Variants in CEP72 observed in about 807,000 individuals in gnomAD.
CEP72 encodes centrosomal protein 72.
Under a neutral mutation model 65.7 loss-of-function variants are expected in CEP72, and 78 were observed. The ratio of observed to expected loss-of-function variants is 1.19; its 90% CI spans 0.99 to 1.43. CEP72 has a LOEUF of 1.43. CEP72 is among the 40% of genes most tolerant of loss of function. CEP72 has a pLI of 0.00. For missense variants in CEP72, 914 were observed against 832.9 expected (o/e 1.10, Z -1.20); for synonymous variants, 358 against 351.7 (o/e 1.02, Z -0.20).
intron 10 of CEP72, 80 bp downstream of exon 10, chr5:644,505 C>A: frequency 6.7e-7 from 1 of 1,494,580 alleles, no homozygotes; most frequent in Non-Finnish European, 9.3e-7. Flanking sequence ...TTAAATTCTT[C>A]ACTGAGGGAA....
rs138660657 is a variant in CEP72, at chr5:639,527, C to T, written c.1342+303C>T. 1.4e-3 allele frequency among the ~76,000 whole-genome samples: 215 copies of T among 152,346 alleles called. 2 individuals are homozygous for T. The highest frequency in any genetic ancestry group is 4.9e-3 in the African/African-American group (205 of 41,576). On this transcript the variant is annotated intron_variant, in intron 8 of 11. Coordinates refer to ENST00000264935, the MANE Select transcript of CEP72 (RefSeq NM_018140.4). ...GTCCAAAGGGGCTTGGTTCTGATGG[C>T]TGTGATCACATGGGGATTTGGAGTT...
In CEP72 at chr5:645,829, C is replaced by CTTTG. The variant is rs921137126; in HGVS notation, c.1666+1405_1666+1408dup. ...TGTTTAATGTTAGAGGTGTCTTGGT[C>CTTTG]TTTGGTGGTTTGGTGATGTTCTTGT... On this transcript the variant is annotated intron_variant, in intron 10 of 11. Transcript: ENST00000264935. This position sits in a 1 kb window ranked among gnomAD's most constrained non-coding sequence, Gnocchi z 4.0. Among the ~76,000 whole-genome samples, 6 of 152,236 alleles carry CTTTG rather than the reference C, an allele frequency of 3.9e-5. No homozygotes were observed. The highest frequency in any genetic ancestry group is 1.4e-4 in the African/African-American group (6 of 41,464).
chr5:646,144 C>T (rs757659591), intron 10 of CEP72, among the ~76,000 whole-genome samples: 3 of 152,196 alleles, frequency 2.0e-5, no homozygotes, highest in African/African-American at 4.8e-5. Flanking sequence ...CGCTTTGCTT[C>T]GTGGCTGTTT....
At chr5:637,880 C>G in intron 7 of CEP72, 62 bp downstream of exon 7, 1 of 1,414,890 alleles carries the variant, frequency 7.1e-7, no homozygotes, top group Admixed American at 2.7e-5. Context: ...GGGGCTGTTA[C>G]GGCTTTGGCG....
chr5:660,496 G>A (rs1453823125), downstream of CEP72: 2 of 152,500 alleles, frequency 1.3e-5, no homozygotes, highest in South Asian at 2.1e-4. Flanking sequence ...TTTGAAGGAC[G>A]TTCTAGCCTA....
chr5:664,948 G>T, intron 2 of CEP72: 2 of 810,282 alleles, frequency 2.5e-6, no homozygotes, highest in Non-Finnish European at 3.8e-6. Context: ...TAGGAGGAGG[G>T]GCAGGAGGGA....
intron 3 of CEP72, chr5:665,919 G>GGCCCCCCCCCCCCCC: frequency 2.9e-5 from 10 of 344,042 alleles, no homozygotes; most frequent in Non-Finnish European, 3.6e-5. Context: ...CACCTTCCAG[G>GGCCCCCCCCCCCCCC]CCCCGCCCCC....
At chr5:649,594 G>A (rs1322086699) in intron 11 of CEP72, among the ~76,000 whole-genome samples, 1 of 121,216 alleles carries the variant, frequency 8.2e-6, no homozygotes, top group East Asian at 2.5e-4. Flanking sequence ...TGACTGAGGC[G>A]TGACTGTGAG....
At chr5:649,491 GGACTGTGAGGTGTGACTGTGAGGTGT>G (rs1436874531) in intron 11 of CEP72, among the ~76,000 whole-genome samples, 1 of 39,692 alleles carries the variant, frequency 2.5e-5, no homozygotes, top group Non-Finnish European at 4.8e-5. Context: ...TGTGAGGTGT[GGACTGTGAGGTGTGACTGTGAGGTGT>G]GACTGTGAGG....
chr5:668,540 C>G (rs1341045871), downstream of CEP72, among the ~76,000 whole-genome samples: 3 of 117,556 alleles, frequency 2.6e-5, no homozygotes, highest in African/African-American at 7.7e-5. Flanking sequence ...CCAGGGGGCT[C>G]AGACAATCAA....
chr5:633,465 C>T (rs1225382107), intron 4 of CEP72, among the ~76,000 whole-genome samples: 16 of 150,572 alleles, frequency 1.1e-4, no homozygotes, highest in Admixed American at 3.3e-4. Context: ...TGTTCAGTGC[C>T]GGGGTTTGGC....
chr5:671,689 C>A (rs535905797), downstream of CEP72, among the ~76,000 whole-genome samples: 1 of 152,212 alleles, frequency 6.6e-6, no homozygotes, highest in Non-Finnish European at 1.5e-5. Flanking sequence ...CCACAGACGT[C>A]CATGGCCAAG....
In CEP72 at chr5:623,684, C is replaced by T. The variant is rs1470320545; in HGVS notation, c.404-787C>T. 2.0e-5 allele frequency among the ~76,000 whole-genome samples: 3 copies of T among 152,096 alleles called. No individual in the cohort carries two copies. Among genetic ancestry groups the T allele is most frequent in the South Asian group, 4.2e-4 (2 of 4,794 alleles). ...GGAGGGTGGGATTGGGTGCAGGTCT[C>T]CTGGCGCACGTGTCTCCTGAGGGTG... On this transcript the variant is annotated intron_variant, in intron 3 of 11. Transcript: ENST00000264935. The surrounding 1 kb of genome is among the most constrained non-coding windows in gnomAD (Gnocchi z 5.3).
In CEP72 at chr5:619,022, T is replaced by TA; in HGVS notation, c.116dup (p.Tyr39Ter). Reference protein sequence around the residue: ...ELQSLSIPGTYQEKITHLGHS... With the variant: ...ELQSLSIPGT ...TCAGTCATTGTCTATTCCTGGAACT[T>TA]ACCAAGAGAAGATCACCCACCTGGG... The change falls in exon 2 of 12, where the codon TAC (tyrosine) becomes TAAC (stop). Residue 39 changes from tyrosine to a stop codon, truncating the protein, a stop_gained and frameshift_variant. Transcript: ENST00000264935. LOFTEE classifies it high-confidence loss of function. 6.2e-7 allele frequency: 1 copy of TA among 1,612,398 alleles called. No homozygotes were observed. The highest frequency in any genetic ancestry group is 8.5e-7 in the Non-Finnish European group (1 of 1,178,386).
chr5:656,409 C>T (rs1414389743), downstream of CEP72, among the ~76,000 whole-genome samples: 1 of 152,210 alleles, frequency 6.6e-6, no homozygotes, highest in Admixed American at 6.5e-5. Context: ...GTTTTACAAG[C>T]TCTGAACATG....
exon 4 of CEP72, chr5:666,078 C>G (rs777737792): frequency 1.9e-6 from 3 of 1,612,320 alleles, no homozygotes; most frequent in Non-Finnish European, 2.5e-6. Context: ...GCTCCTCCAG[C>G]GCCTCCTGGA....
At position 627,758 on chromosome 5, in the gene CEP72, G is replaced by A. The variant is rs191440108; in HGVS notation, c.512+3179G>A. Among the ~76,000 whole-genome samples, 31 of 152,220 alleles carry A rather than the reference G, an allele frequency of 2.0e-4. No individual in the cohort carries two copies. In the East Asian group the frequency reaches 2.3e-3, roughly 11 times the overall value. ...GGAATAAAGGAAGCACTTATTCCAC[G>A]TGGTTGGAAATGCTGTATTCTAGTC... On this transcript the variant is annotated intron_variant, in intron 4 of 11. Transcript: ENST00000264935.
downstream of CEP72, among the ~76,000 whole-genome samples, chr5:654,808 A>AT (rs1739327929): frequency 7.8e-6 from 1 of 128,112 alleles, no homozygotes; most frequent in African/African-American, 2.5e-5. Flanking sequence ...CACTACTCAT[A>AT]TTTCTTGTCT....
At chr5:641,469 C>T (rs1709545) in intron 9 of CEP72, 228,950 of 985,264 alleles carry the variant, frequency 0.23, 27,210 homozygotes, top group East Asian at 0.43. Flanking sequence ...ACATACTGTC[C>T]GTTTCATGGG....
Sources: allele counts gnomAD v4.1 joint callset (sites outside exome capture counted in the v4.1 genomes callset), GRCh38; gene constraint gnomAD v4.1.1; non-coding constraint Gnocchi (gnomAD v3.1); transcripts MANE v1.5; gene names NCBI Gene and HGNC (gene_info 2026-07-23, HGNC 2026-07-21).